Variants in CA8 observed in about 807,000 individuals in gnomAD.
CA8 encodes the protein carbonic anhydrase-related protein.
A neutral mutation model predicts 41.4 loss-of-function variants in CA8; 22 were observed. The observed-to-expected ratio is 0.53, with a 90% CI of 0.38 to 0.76. The LOEUF is 0.76. Among genes scored for constraint, CA8 ranks in the 30% least tolerant of loss-of-function variants. The pLI is 0.00. For synonymous variants in CA8, 121 were observed against 130.6 expected, an observed-to-expected ratio of 0.93 and a Z score of 0.50; for missense variants, 270 against 352.8, an observed-to-expected ratio of 0.77 and a Z score of 1.88.
Position 60,188,181 on chromosome 8 carries a change from T to TAC in CA8, c.*1838_*1839dup, listed in dbSNP as rs1474343616. The TAC allele has an allele frequency of 1.3e-5, 2 of 152,144 alleles. No individual in the cohort carries two copies. Among genetic ancestry groups the TAC allele is most frequent in the Non-Finnish European group, 2.9e-5 (2 of 68,004 alleles). The allele number at this position is 152,144 out of a possible 1,614,324, so 9.4% of individuals were successfully genotyped here. A position where few individuals can be genotyped will look rare whatever the true frequency, so the allele number is the denominator to read the frequency against. ...TTCAATATACAGACATAAACACACA[T>TAC]ACACACACACCTGTGAAGGGTGAAG... On this transcript the variant is annotated 3_prime_UTR_variant, in exon 9 of 9. Transcript: ENST00000317995.
chr8:60,256,831 A>C (rs1458432252), intron 3 of CA8, among the ~76,000 whole-genome samples: 1 of 152,224 alleles, frequency 6.6e-6, no homozygotes, highest in African/African-American at 2.4e-5. Context: ...TGGAAATGTC[A>C]TATTGATTAG....
intron 3 of CA8, among the ~76,000 whole-genome samples, chr8:60,263,685 C>T (rs1803811283): frequency 6.6e-6 from 1 of 152,230 alleles, no homozygotes; most frequent in Admixed American, 6.5e-5. Flanking sequence ...TATGAGCCAA[C>T]TCGTCCCCAG....
chr8:60,267,830 T>G (rs1803949810), intron 2 of CA8, among the ~76,000 whole-genome samples: 1 of 152,214 alleles, frequency 6.6e-6, no homozygotes, highest in South Asian at 2.1e-4. Flanking sequence ...TCTAAAAAAC[T>G]TTTAATATAT....
chr8:60,202,547 T>C (rs149440632), intron 8 of CA8, among the ~76,000 whole-genome samples: 143 of 152,286 alleles, frequency 9.4e-4, no homozygotes, highest in African/African-American at 3.2e-3. Flanking sequence ...TTAACTCAAG[T>C]ATAAAATTTA....
chr8:60,230,681 C>T (rs1807617519), intron 4 of CA8, among the ~76,000 whole-genome samples: 2 of 152,016 alleles, frequency 1.3e-5, no homozygotes, highest in Admixed American at 1.3e-4. Context: ...CACAGATAAC[C>T]TGAATTTTTC....
At chr8:60,270,958 G>A (rs1278560129) in intron 2 of CA8, among the ~76,000 whole-genome samples, 2 of 152,136 alleles carry the variant, frequency 1.3e-5, no homozygotes, top group Non-Finnish European at 2.9e-5. Context: ...CAGAGAGCAG[G>A]CCGGGCAAAG....
intron 8 of CA8, among the ~76,000 whole-genome samples, chr8:60,198,112 A>G (rs1056612626): frequency 3.3e-5 from 5 of 152,184 alleles, no homozygotes; most frequent in Non-Finnish European, 5.9e-5. Context: ...CTGTTGTGAA[A>G]TGTGGTGTCG....
At position 60,207,798 on chromosome 8, in the gene CA8, CA is replaced by C. The variant is rs1806683268; in HGVS notation, c.*35+951del. ...TGAGACACGATCTCAATCTGTCACC[CA>C]GGCTGGAGAACAGTGGTGTGATCTC... On this transcript the variant is annotated intron_variant, in intron 8 of 8. Transcript: ENST00000317995. 3.9e-5 allele frequency among the ~76,000 whole-genome samples: 6 copies of C among 152,304 alleles called. No homozygotes were observed. In the South Asian group the frequency reaches 1.2e-3, roughly 32 times the overall value.
intron 2 of CA8, among the ~76,000 whole-genome samples, chr8:60,279,378 G>A (rs1039838305): frequency 2.0e-5 from 3 of 152,150 alleles, no homozygotes; most frequent in Admixed American, 6.5e-5. Context: ...TGGACAAAAC[G>A]CAGATTACTG....
chr8:60,257,848 A>C (rs1314536932), intron 3 of CA8, among the ~76,000 whole-genome samples: 1 of 152,232 alleles, frequency 6.6e-6, no homozygotes, highest in Non-Finnish European at 1.5e-5. Context: ...AATGTCTTCA[A>C]AATCTTCCTC....
At chr8:60,222,873 T>C in intron 6 of CA8, 112 bp from the exon 7 acceptor site, 7 of 728,830 alleles carry the variant, frequency 9.6e-6, no homozygotes, top group Non-Finnish European at 1.8e-5. Flanking sequence ...GCTTCTAAGA[T>C]GGATGTCATT....
Position 60,241,565 on chromosome 8 carries a change from T to C in CA8, c.418-9186A>G, listed in dbSNP as rs1291652234. 2.6e-5 allele frequency among the ~76,000 whole-genome samples: 4 copies of C among 152,212 alleles called. No individual in the cohort carries two copies. The East Asian group carries it at 7.7e-4, about 29-fold the overall frequency. ...CACCATTGGACTCTTCTCCCAAAAATGAAGCTTCCTTTATGAAATTCACTA... is the reference window on the plus strand; with the variant it reads ...CACCATTGGACTCTTCTCCCAAAAACGAAGCTTCCTTTATGAAATTCACTA... On this transcript the variant is annotated intron_variant, in intron 3 of 8. Transcript: ENST00000317995.
chr8:60,207,150 A>C (rs1806617323), intron 8 of CA8, among the ~76,000 whole-genome samples: 1 of 152,152 alleles, frequency 6.6e-6, no homozygotes, highest in Non-Finnish European at 1.5e-5. Context: ...GTCGTGGTGA[A>C]GAAAAAGGGC....
chr8:60,195,054 CTT>C (rs1346405689), intron 8 of CA8, among the ~76,000 whole-genome samples: 2 of 152,152 alleles, frequency 1.3e-5, no homozygotes, highest in Non-Finnish European at 2.9e-5. Flanking sequence ...AGAAGTAACA[CTT>C]TGAATATATG....
chr8:60,233,066 C>T (rs1005354997), intron 3 of CA8, among the ~76,000 whole-genome samples: 3 of 152,190 alleles, frequency 2.0e-5, no homozygotes, highest in Non-Finnish European at 4.4e-5. Context: ...TATGCACTTG[C>T]TCCTACAGCA....
At chr8:60,235,191 G>A (rs1807788576) in intron 3 of CA8, among the ~76,000 whole-genome samples, 1 of 152,212 alleles carries the variant, frequency 6.6e-6, no homozygotes, top group East Asian at 1.9e-4. Flanking sequence ...GTGGAAGTCT[G>A]AGATCAAGGT....
intron 8 of CA8, among the ~76,000 whole-genome samples, chr8:60,205,862 A>C (rs1249152873): frequency 6.6e-6 from 1 of 152,246 alleles, no homozygotes; most frequent in Non-Finnish European, 1.5e-5. Context: ...GAGAACAACT[A>C]CCAGAGAAAT....
At chr8:60,192,653 A>G (rs143091067) in intron 8 of CA8, among the ~76,000 whole-genome samples, 9 of 152,226 alleles carry the variant, frequency 5.9e-5, no homozygotes, top group Admixed American at 2.6e-4. Context: ...GCATGCATAA[A>G]TAAGTGCAAC....
intron 8 of CA8, among the ~76,000 whole-genome samples, chr8:60,201,253 A>T (rs183952118): frequency 1.3e-3 from 196 of 152,360 alleles, no homozygotes; most frequent in African/African-American, 4.4e-3. Context: ...ACAGCTGGGC[A>T]TTCAATTCTA....
Sources: allele counts gnomAD v4.1 joint callset (sites outside exome capture counted in the v4.1 genomes callset), GRCh38; gene constraint gnomAD v4.1.1; transcripts MANE v1.5; gene names NCBI Gene and HGNC (gene_info 2026-07-23, HGNC 2026-07-21).